STRIP1: variants seen among roughly 807,000 people sequenced by gnomAD.
STRIP1 encodes the protein striatin-interacting protein 1.
STRIP1 carries 63 observed loss-of-function variants against 106.2 expected under a neutral mutation model. The observed-to-expected ratio is 0.59, with a 90% CI of 0.48 to 0.73. The LOEUF (loss-of-function observed/expected upper bound fraction) is 0.73. STRIP1 is among the 30% of genes least tolerant of loss of function. The probability of loss-of-function intolerance (pLI) is 0.00; values close to 1 mark genes in which losing one functional copy is unlikely to be tolerated. For missense variants in STRIP1, 857 were observed against 1,074.8 expected, an observed-to-expected ratio of 0.80 and a Z score of 2.83; for synonymous variants, 390 against 413.0, an observed-to-expected ratio of 0.94 and a Z score of 0.67.
chr1:110,051,798 G>A lies in STRIP1; in HGVS notation c.2177G>A (p.Arg726Gln), dbSNP rs768369612. 2.5e-6 allele frequency: 4 copies of A among 1,613,814 alleles called. No homozygotes were observed. Among genetic ancestry groups the A allele is most frequent in the Non-Finnish European group, 3.4e-6 (4 of 1,180,028 alleles). Residue 726 changes from arginine (R) to glutamine (Q), a missense_variant, in exon 20 of 21, where the codon CGG becomes CAG. Around this residue, in one of 2 missense-constraint regions of STRIP1, gnomAD observed 750 missense variants for 989.8 expected, o/e 0.76. Transcript: ENST00000369795. The stretch of plus-strand genomic sequence containing the variant: ...AAGGTACAGACCAAATACTTGGGGC[G>A]GCAGTGGCGAAAGAGCAACATGAAG... ...LLKVQTKYLGRQWRKSNMKTM... is the reference protein window; with the variant it reads ...LLKVQTKYLGQQWRKSNMKTM...
Position 110,037,932 on chromosome 1 carries a change from C to T in STRIP1, c.222C>T (p.Asp74=), listed in dbSNP as rs1652540882. The T allele has an allele frequency of 5.0e-6, 8 of 1,612,820 alleles. No homozygotes were observed. The highest frequency in any genetic ancestry group is 4.0e-5 in the African/African-American group (3 of 74,742). ...ESPDLEFEYA[D]TDKWAAELSE... Reference sequence around the variant, plus strand: ...CAGACCTGGAGTTTGAGTATGCTGACACAGACAAGTGGGCTGCAGAGCTCT... The same window carrying T: ...CAGACCTGGAGTTTGAGTATGCTGATACAGACAAGTGGGCTGCAGAGCTCT... Residue 74 remains aspartate (D), a synonymous_variant, in exon 2 of 21, where the codon GAC becomes GAT. Transcript: ENST00000369795.
Position 110,043,290 on chromosome 1 carries a change from C to T in STRIP1, c.1068+20C>T, listed in dbSNP as rs770772400. On this transcript the variant is annotated intron_variant, in intron 9 of 20. Coordinates refer to ENST00000369795, the MANE Select transcript of STRIP1 (RefSeq NM_033088.4). Reference sequence around the variant, plus strand: ...CACAAGGTGAGGACGACAGAGGTCCCTGTGACTCCTGAGGGCCCTCAAGGT... The same window carrying T: ...CACAAGGTGAGGACGACAGAGGTCCTTGTGACTCCTGAGGGCCCTCAAGGT... The T allele has an allele frequency of 8.7e-6, 14 of 1,605,884 alleles. No individual in the cohort carries two copies. The East Asian group carries it at 2.5e-4, about 28-fold the overall frequency.
At position 110,043,002 on chromosome 1, in the gene STRIP1, A is replaced by G. The variant is rs149884732; in HGVS notation, c.886-86A>G. ...CTATAAAGACATGGGTCATGATGTC[A>G]TGAATGTTTCTGAGCCTGACACAAT... is the stretch of plus-strand genomic sequence containing the variant. On this transcript the variant is annotated intron_variant, in intron 8 of 20. Transcript: ENST00000369795. 1,101 of 1,339,138 alleles carry G rather than the reference A, an allele frequency of 8.2e-4. 11 individuals carry two copies. The African/African-American group carries it at 0.015, about 18-fold the overall frequency. 83.0% of individuals were successfully genotyped at this position (1,339,138 alleles called of 1,614,324 possible). A position where few individuals can be genotyped will look rare whatever the true frequency, so the allele number is the denominator to read the frequency against.
intron 18 of STRIP1, among the ~76,000 whole-genome samples, chr1:110,050,744 A>G (rs1446473062): frequency 6.6e-6 from 1 of 152,164 alleles, no homozygotes; most frequent in African/African-American, 2.4e-5. Flanking sequence ...ATCATGGTTC[A>G]TATTTCCTGC....
intron 20 of STRIP1, 110 bp from the exon 21 acceptor site, chr1:110,053,555 C>G: frequency 6.9e-7 from 1 of 1,451,426 alleles, no homozygotes; most frequent in Non-Finnish European, 9.4e-7. Flanking sequence ...TGAGGATGAG[C>G]TCGGAGGTAT....
At chr1:110,040,160 T>G (rs1652686367) in intron 5 of STRIP1, among the ~76,000 whole-genome samples, 1 of 151,974 alleles carries the variant, frequency 6.6e-6, no homozygotes, top group Non-Finnish European at 1.5e-5. Context: ...GGGTTTTTTG[T>G]TTTTGTTTTT....
chr1:110,047,962 C>T (rs1003401093), intron 15 of STRIP1, 93 bp downstream of exon 15: 3 of 1,045,532 alleles, frequency 2.9e-6, no homozygotes, highest in South Asian at 1.4e-5. Flanking sequence ...GTTGTTGGCC[C>T]AGCTCTACAG....
intron 18 of STRIP1, 58 bp downstream of exon 18, chr1:110,050,467 G>T: frequency 6.7e-7 from 1 of 1,497,582 alleles, no homozygotes; most frequent in Non-Finnish European, 9.3e-7. Flanking sequence ...TGGGTAGAGA[G>T]CCTGCCTACC....
At chr1:110,039,125 G>A in intron 3 of STRIP1, 47 bp from the exon 4 acceptor site, 6 of 1,608,416 alleles carry the variant, frequency 3.7e-6, no homozygotes, top group Non-Finnish European at 5.1e-6. Flanking sequence ...CCATGCCATT[G>A]TGAGGATTTT....
chr1:110,051,692 G>A lies in STRIP1; in HGVS notation c.2071G>A (p.Val691Met). ...TTGTTTCCCTTCCCAGATGCTGGTG[G>A]TGTTCAAGTCAGCCCCCATCTTGAA... The part of the protein sequence containing the change: ...WKHSRTMMLV[V>M]FKSAPILKRA... The change falls in exon 20 of 21, where the codon GTG (valine) becomes ATG (methionine). Residue 691 changes from valine (V) to methionine (M), a missense_variant. By Grantham distance (21) the Val-to-Met change is conservative. This residue lies in a region of STRIP1 where 750 missense variants were observed against 989.8 expected (regional missense o/e 0.76). Transcript: ENST00000369795. 2.5e-6 allele frequency: 4 copies of A among 1,604,882 alleles called. No individual in the cohort carries two copies. Among genetic ancestry groups the A allele is most frequent in the Non-Finnish European group, 3.4e-6 (4 of 1,175,788 alleles).
In STRIP1 at chr1:110,051,031, C is replaced by G. The variant is rs987354394; in HGVS notation, c.2032C>G (p.Leu678Val). Reference sequence around the variant, plus strand: ...CAATCTGCTTCGGATCTTGAACAAGCTGACAAAGTGGAAGCATTCAAGGAC... The same window carrying G: ...CAATCTGCTTCGGATCTTGAACAAGGTGACAAAGTGGAAGCATTCAAGGAC... ...CINLLRILNK[L>V]TKWKHSRTMM... Residue 678 changes from leucine (L) to valine (V), a missense_variant, in exon 19 of 21, where the codon CTG becomes GTG. Leu to Val is a conservative substitution (Grantham distance 32). Around this residue, in one of 2 missense-constraint regions of STRIP1, gnomAD observed 750 missense variants for 989.8 expected, o/e 0.76. Coordinates refer to ENST00000369795, the MANE Select transcript of STRIP1 (RefSeq NM_033088.4). 1 of 1,613,188 alleles carries G rather than the reference C, an allele frequency of 6.2e-7. No homozygotes were observed. Among genetic ancestry groups the G allele is most frequent in the Non-Finnish European group, 8.5e-7 (1 of 1,179,092 alleles).
chr1:110,041,816 C>A lies in STRIP1; in HGVS notation c.840C>A (p.His280Gln), dbSNP rs753699475. The stretch of plus-strand genomic sequence containing the variant: ...AATTTTGCAGTGGTCACGCCCCTCA[C>A]TTTCCCATGAAGAAAGTTCTCTTGC... Reference protein sequence around the residue: ...VTKFCSGHAPHFPMKKVLLLL... With the variant: ...VTKFCSGHAPQFPMKKVLLLL... The change falls in exon 8 of 21, where the codon CAC becomes CAA. Residue 280 changes from histidine to glutamine, a missense_variant. Physicochemically the swap from His to Gln is conservative, Grantham distance 24. Transcript: ENST00000369795. 9 of 1,614,208 alleles carry A rather than the reference C, an allele frequency of 5.6e-6. No homozygotes were observed. Among genetic ancestry groups the A allele is most frequent in the Non-Finnish European group, 7.6e-6 (9 of 1,180,038 alleles).
chr1:110,033,298 G>A (rs775922329), upstream of STRIP1, among the ~76,000 whole-genome samples: 1 of 115,126 alleles, frequency 8.7e-6, no homozygotes, highest in African/African-American at 3.4e-5. Context: ...TCTCTTCTTT[G>A]GCCAAAACTC....
At chr1:110,042,908 C>G (rs939069419) in intron 8 of STRIP1, 180 bp from the exon 9 acceptor site, 1 of 590,608 alleles carries the variant, frequency 1.7e-6, no homozygotes, top group Non-Finnish European at 2.9e-6. Context: ...TTTCTCCTTT[C>G]CCTTGCGGAT....
rs541534958 is a variant in STRIP1, at chr1:110,043,237, G to A, written c.1035G>A (p.Glu345=). Residue 345 remains glutamate, a synonymous_variant, in exon 9 of 21, where the codon GAG becomes GAA. Coordinates refer to ENST00000369795, the MANE Select transcript of STRIP1 (RefSeq NM_033088.4). ...SPPASASDLI[E]QQQKRGRREH... is the part of the protein sequence containing the mutation. ...CAGCATCTGCTTCAGACTTGATTGA[G>A]CAGCAGCAGAAACGGGGCCGCCGAG... The A allele has an allele frequency of 3.2e-5, 52 of 1,613,140 alleles. No homozygotes were observed. Among genetic ancestry groups the A allele is most frequent in the Admixed American group, 8.3e-5 (5 of 60,010 alleles).
chr1:110,051,883 C>G lies in STRIP1; in HGVS notation c.2262C>G (p.Gly754=). Residue 754 remains glycine (G), a synonymous_variant, in exon 20 of 21, where the codon GGC becomes GGG. Coordinates refer to ENST00000369795, the MANE Select transcript of STRIP1 (RefSeq NM_033088.4). ...RHRLNDDWAY[G]NDLDARPWDF... is the part of the protein sequence containing the mutation. ...GGCTGAACGACGACTGGGCATACGG[C>G]AATGGTGAGACTCTGCACTCAGCCA... 6.2e-7 allele frequency: 1 copy of G among 1,612,044 alleles called. No homozygotes were observed. Among genetic ancestry groups the G allele is most frequent in the Non-Finnish European group, 8.5e-7 (1 of 1,179,854 alleles).
At chr1:110,036,594 G>A (rs1570911820) in intron 1 of STRIP1, among the ~76,000 whole-genome samples, 2 of 152,136 alleles carry the variant, frequency 1.3e-5, no homozygotes, top group Admixed American at 6.5e-5. Context: ...AGCTGAAATC[G>A]GTAGTTTGGG....
intron 15 of STRIP1, chr1:110,048,072 T>C (rs1237326459): frequency 1.8e-6 from 1 of 568,108 alleles, no homozygotes; most frequent in African/African-American, 1.9e-5. Flanking sequence ...TGGATTCTAG[T>C]GTAGACTCTA....
rs761438696 is a variant in STRIP1, at chr1:110,043,809, T to C, written c.1239T>C (p.Thr413=). 1 of 1,614,036 alleles carries C rather than the reference T, an allele frequency of 6.2e-7. No homozygotes were observed. Among genetic ancestry groups the C allele is most frequent in the African/African-American group, 1.3e-5 (1 of 74,944 alleles). ...VMPPPLQHPQ[T]DRLTCPKGLP... is the part of the protein sequence containing the mutation. The stretch of plus-strand genomic sequence containing the variant: ...CTCCCCCGCTACAGCACCCACAGAC[T>C]GACAGGCTGACTTGCCCCAAAGGGC... Residue 413 remains threonine (T), a synonymous_variant, in exon 10 of 21, where the codon ACT becomes ACC. Coordinates refer to ENST00000369795, the MANE Select transcript of STRIP1 (RefSeq NM_033088.4).
Sources: gnomAD v4.1 joint callset for allele counts (sites outside exome capture counted in the v4.1 genomes callset) on GRCh38, gnomAD v4.1.1 for gene constraint, gnomAD v4.1.1 regional missense constraint, MANE v1.5 for transcripts, NCBI Gene and HGNC (gene_info 2026-07-23, HGNC 2026-07-21) for gene names.